Variants in VWC2 observed in about 807,000 individuals in gnomAD.
VWC2 encodes brorin.
VWC2 carries 14 observed loss-of-function variants against 29.8 expected under a neutral mutation model. The observed-to-expected ratio is 0.47, with a 90% CI of 0.31 to 0.74. The LOEUF is 0.74. Ranked by LOEUF, VWC2 falls within the 30% of genes least tolerant of loss-of-function variation. VWC2 has a pLI of 0.05. For synonymous variants in VWC2, 213 were observed against 199.0 expected, an observed-to-expected ratio of 1.07 and a Z score of -0.59; for missense variants, 457 against 459.8, an observed-to-expected ratio of 0.99 and a Z score of 0.05.
chr7:49,853,441 C>T (rs1033322136), intron 3 of VWC2, among the ~76,000 whole-genome samples: 5 of 152,112 alleles, frequency 3.3e-5, no homozygotes, highest in South Asian at 4.1e-4. Flanking sequence ...TGCTGGGCAT[C>T]GGGGCATATT....
intron 3 of VWC2, among the ~76,000 whole-genome samples, chr7:49,877,560 C>CT (rs1274803249): frequency 1.7e-5 from 2 of 118,090 alleles, no homozygotes; most frequent in African/African-American, 6.3e-5. Flanking sequence ...CTTTGTCTTC[C>CT]TTTTTTTTAT....
At chr7:49,872,915 C>CAAAAAAAAAAA (rs61473396) in intron 3 of VWC2, among the ~76,000 whole-genome samples, 27 of 33,956 alleles carry the variant, frequency 8.0e-4, no homozygotes, top group Non-Finnish European at 1.1e-3. Flanking sequence ...GACTTTGTCT[C>CAAAAAAAAAAA]AAAAAAAAAA....
intron 3 of VWC2, among the ~76,000 whole-genome samples, chr7:49,834,332 T>G (rs1789608501): frequency 6.6e-6 from 1 of 152,218 alleles, no homozygotes; most frequent in African/African-American, 2.4e-5. Context: ...TCTGTGGGAA[T>G]CAAATAGTTC....
rs1793562945 is a variant in VWC2 at position 49,913,478 on chromosome 7, A to T, written c.*1293A>T. The T allele has an allele frequency of 6.6e-6, 1 of 152,198 alleles. No individual in the cohort carries two copies. Among genetic ancestry groups the T allele is most frequent in the Admixed American group, 6.5e-5 (1 of 15,268 alleles). The allele number at this position is 152,198 out of a possible 1,614,324, so 9.4% of individuals were successfully genotyped here. ...TGTAGGATAAAAAAAGCAAAACTAT[A>T]ATCACTATTAATGTCTTTAAAGGAT... On this transcript the variant is annotated 3_prime_UTR_variant, in exon 4 of 4. Transcript: ENST00000340652.
chr7:49,913,463 A>G lies in VWC2; in HGVS notation c.*1278A>G, dbSNP rs1793561447. ...TGGAGTCTTAATAGGTGTAGGATAA[A>G]AAAAGCAAAACTATAATCACTATTA... On this transcript the variant is annotated 3_prime_UTR_variant, in exon 4 of 4. Coordinates refer to ENST00000340652, the MANE Select transcript of VWC2 (RefSeq NM_198570.5). The G allele has an allele frequency of 6.6e-6, 1 of 152,230 alleles. No individual in the cohort carries two copies. The highest frequency in any genetic ancestry group is 2.4e-5 in the African/African-American group (1 of 41,474). 9.4% of individuals were successfully genotyped at this position (152,230 alleles called of 1,614,324 possible). A position where few individuals can be genotyped will look rare whatever the true frequency, so the allele number is the denominator to read the frequency against.
intron 2 of VWC2, 22 bp downstream of exon 2, chr7:49,776,153 G>A: frequency 6.7e-7 from 1 of 1,489,516 alleles, no homozygotes; most frequent in Non-Finnish European, 8.9e-7. Flanking sequence ...ACGCCCGCCG[G>A]GCGACTTTGC....
chr7:49,779,564 A>T (rs1175248927), intron 2 of VWC2, among the ~76,000 whole-genome samples: 1 of 150,734 alleles, frequency 6.6e-6, no homozygotes, highest in Non-Finnish European at 1.5e-5. Flanking sequence ...ACTTTGAATA[A>T]GGAAACTTGT....
chr7:49,894,191 CT>C (rs1328527272), intron 3 of VWC2, among the ~76,000 whole-genome samples: 1 of 152,242 alleles, frequency 6.6e-6, no homozygotes, highest in Non-Finnish European at 1.5e-5. Context: ...GGTTCTCACT[CT>C]GTCATCCAGG....
intron 3 of VWC2, among the ~76,000 whole-genome samples, chr7:49,864,804 C>T (rs1453342798): frequency 6.6e-6 from 1 of 152,212 alleles, no homozygotes; most frequent in Admixed American, 6.5e-5. Context: ...TGCTGCTGAG[C>T]AGGGGAGGGT....
chr7:49,883,888 G>GTAAA (rs1486075634), intron 3 of VWC2, among the ~76,000 whole-genome samples: 18 of 152,344 alleles, frequency 1.2e-4, no homozygotes, highest in African/African-American at 3.4e-4. Flanking sequence ...CAACAAAGAT[G>GTAAA]TAAAAGTCAT....
intron 3 of VWC2, among the ~76,000 whole-genome samples, chr7:49,906,171 G>C (rs1379859919): frequency 6.6e-6 from 1 of 151,924 alleles, no homozygotes; most frequent in Non-Finnish European, 1.5e-5. Context: ...TTACTCTATG[G>C]ACTCACCCCA....
chr7:49,836,122 C>T (rs191302525), intron 3 of VWC2, among the ~76,000 whole-genome samples: 12 of 152,322 alleles, frequency 7.9e-5, no homozygotes, highest in African/African-American at 2.2e-4. Flanking sequence ...TCAGATTATT[C>T]CATATGGCAT....
In VWC2 at chr7:49,916,606, G is replaced by A. The variant is rs1793739981; in HGVS notation, c.*4421G>A. 6.6e-6 allele frequency: 1 copy of A among 152,090 alleles called. No homozygotes were observed. Among genetic ancestry groups the A allele is most frequent in the Admixed American group, 6.6e-5 (1 of 15,256 alleles). The allele number at this position is 152,090 out of a possible 1,614,324, so 9.4% of individuals were successfully genotyped here. On this transcript the variant is annotated 3_prime_UTR_variant, in exon 4 of 4. Coordinates refer to ENST00000340652, the MANE Select transcript of VWC2 (RefSeq NM_198570.5). ...TATTATTTACAAATCCCTTTAGTTT[G>A]GGCTGTGAAATATTCAATTCCCAAA...
chr7:49,884,001 C>T (rs552135836), intron 3 of VWC2, among the ~76,000 whole-genome samples: 15 of 152,350 alleles, frequency 9.8e-5, no homozygotes, highest in African/African-American at 2.2e-4. Flanking sequence ...AGGGTTAGCA[C>T]GACTGTGGGT....
At chr7:49,797,650 C>A (rs1034637860) in intron 2 of VWC2, among the ~76,000 whole-genome samples, 1 of 152,236 alleles carries the variant, frequency 6.6e-6, no homozygotes, top group Admixed American at 6.5e-5. Flanking sequence ...TGTATTCTCA[C>A]CTTCCTGAAA....
At chr7:49,904,006 C>G (rs1054714704) in intron 3 of VWC2, among the ~76,000 whole-genome samples, 1 of 152,108 alleles carries the variant, frequency 6.6e-6, no homozygotes, top group Non-Finnish European at 1.5e-5. Flanking sequence ...CTGGTCACCC[C>G]ACCCTAATCT....
intron 3 of VWC2, among the ~76,000 whole-genome samples, chr7:49,888,944 A>G (rs192935697): frequency 1.3e-5 from 2 of 152,112 alleles, no homozygotes; most frequent in East Asian, 3.9e-4. Flanking sequence ...AAAAAAAACA[A>G]AAGAAGTGTA....
Position 49,795,171 on chromosome 7 carries a change from T to G in VWC2, c.697-7540T>G, listed in dbSNP as rs191559715. Among the ~76,000 whole-genome samples, 62 of 152,310 alleles carry G rather than the reference T, an allele frequency of 4.1e-4. No individual in the cohort carries two copies. The East Asian group carries it at 0.01, about 25-fold the overall frequency. The stretch of plus-strand genomic sequence containing the variant: ...CAATTTGTGGGGCCTGTTCTTAGTA[T>G]TGTTGCCCCTGGTCCCATGTGTATG... On this transcript the variant is annotated intron_variant, in intron 2 of 3. Transcript: ENST00000340652.
chr7:49,791,016 A>T (rs1344264361), intron 2 of VWC2, among the ~76,000 whole-genome samples: 1 of 152,114 alleles, frequency 6.6e-6, no homozygotes, highest in Non-Finnish European at 1.5e-5. Flanking sequence ...TGGTATGACC[A>T]GACTTCAGTT....
Sources: gnomAD v4.1 joint callset for allele counts (sites outside exome capture counted in the v4.1 genomes callset) on GRCh38, gnomAD v4.1.1 for gene constraint, MANE v1.5 for transcripts, NCBI Gene and HGNC (gene_info 2026-07-23, HGNC 2026-07-21) for gene names.